Variants in PKHD1 observed in about 807,000 individuals in gnomAD.
PKHD1 encodes PKHD1 ciliary IPT domain containing fibrocystin/polyductin, also known as fibrocystin.
A neutral mutation model predicts 412.0 loss-of-function variants in PKHD1; 291 were observed. That is an observed-to-expected ratio of 0.71 (90% CI 0.64 to 0.78). The LOEUF (loss-of-function observed/expected upper bound fraction) is 0.78. PKHD1 is among the 30% of genes least tolerant of loss of function. PKHD1 has a pLI of 0.00. For synonymous variants in PKHD1, 1,777 were observed against 1,821.5 expected, an observed-to-expected ratio of 0.98 and a Z score of 0.62; for missense variants, 4,825 against 4,950.7, an observed-to-expected ratio of 0.97 and a Z score of 0.76.
chr6:51,989,901 G>GA (rs144773405), intron 35 of PKHD1, among the ~76,000 whole-genome samples: 70 of 2,734 alleles, frequency 0.026, 9 homozygotes, highest in East Asian at 0.049. Context: ...AGGAAGGAGG[G>GA]AGGAAGGAAG....
chr6:51,883,025 T>G (rs1777623432), intron 46 of PKHD1, 68 bp downstream of exon 46: 2 of 1,216,648 alleles, frequency 1.6e-6, no homozygotes, highest in African/African-American at 1.5e-5. Context: ...TCCTGGATCA[T>G]CAGGGGGCCC....
chr6:51,681,220 A>G (rs1298919493), intron 60 of PKHD1, among the ~76,000 whole-genome samples: 2 of 151,978 alleles, frequency 1.3e-5, no homozygotes, highest in East Asian at 3.9e-4. Context: ...CTCCCTTGCT[A>G]CTTCCAAATC....
At chr6:52,028,477 T>A in intron 29 of PKHD1, 126 bp from the exon 30 acceptor site, 1 of 878,976 alleles carries the variant, frequency 1.1e-6, no homozygotes, top group Non-Finnish European at 1.8e-6. Flanking sequence ...CTCTTAAGAG[T>A]TACGATACCA....
chr6:51,748,763 A>G (rs923809959), intron 57 of PKHD1, 98 bp from the exon 58 acceptor site: 1 of 969,008 alleles, frequency 1.0e-6, no homozygotes, highest in Admixed American at 1.7e-5. Flanking sequence ...ATTTTTAATG[A>G]AAATGTAAGT....
Position 52,025,511 on chromosome 6 carries a change from A to C in PKHD1, c.4299T>G (p.Ile1433Met). 6.2e-7 allele frequency: 1 copy of C among 1,613,800 alleles called. No individual in the cohort carries two copies. Among genetic ancestry groups the C allele is most frequent in the Non-Finnish European group, 8.5e-7 (1 of 1,179,732 alleles). ...VDLSGPFTCVILSLGDHTILC... is the reference protein window; with the variant it reads ...VDLSGPFTCVMLSLGDHTILC... ...GAATGGTGTGGTCTCCCAAACTCAAAATCACACAAGTAAAAGGACCCGAGA... is the reference window on the plus strand; with the variant it reads ...GAATGGTGTGGTCTCCCAAACTCAACATCACACAAGTAAAAGGACCCGAGA... The change falls in exon 32 of 67, where the codon ATT becomes ATG. Residue 1433 changes from isoleucine to methionine, a missense_variant. By Grantham distance (10) the Ile-to-Met change is conservative. Coordinates refer to ENST00000371117, the MANE Select transcript of PKHD1 (RefSeq NM_138694.4).
At chr6:51,693,090 G>A (rs976929068) in intron 60 of PKHD1, among the ~76,000 whole-genome samples, 2 of 151,918 alleles carry the variant, frequency 1.3e-5, no homozygotes, top group Admixed American at 1.3e-4. Flanking sequence ...TATTCTTCAG[G>A]GTTCAGTTAT....
At chr6:51,678,710 A>T (rs1164344767) in intron 60 of PKHD1, among the ~76,000 whole-genome samples, 1 of 152,096 alleles carries the variant, frequency 6.6e-6, no homozygotes, top group Admixed American at 6.6e-5. Context: ...AAAATCTAAG[A>T]TTATTTTCCT....
rs542361326 is a variant in PKHD1 at position 51,844,798 on chromosome 6, T to C, written c.8107+2977A>G. Among the ~76,000 whole-genome samples, 396 of 152,098 alleles carry C rather than the reference T, an allele frequency of 2.6e-3. 7 individuals carry two copies. Among genetic ancestry groups the C allele is most frequent in the Non-Finnish European group, 1.6e-3 (106 of 68,006 alleles). ...CAGTGAAGCAGCACTCTGAAGGAAA[T>C]GCCAGCCAAGAAAAGGAGCCACACC... On this transcript the variant is annotated intron_variant, in intron 50 of 66. Coordinates refer to ENST00000371117, the MANE Select transcript of PKHD1 (RefSeq NM_138694.4).
chr6:52,079,714 GCTGACATACAAA>G (rs1487562174), intron 5 of PKHD1, among the ~76,000 whole-genome samples, 174 bp downstream of exon 5: 1 of 152,112 alleles, frequency 6.6e-6, no homozygotes. Flanking sequence ...TTAGCTAAAG[GCTGACATACAAA>G]CGTTCAAAAT....
chr6:52,055,122 G>A (rs553962361), intron 19 of PKHD1, among the ~76,000 whole-genome samples: 1 of 152,126 alleles, frequency 6.6e-6, no homozygotes, highest in Admixed American at 6.5e-5. Context: ...CCTTCACTGG[G>A]TCCTAACTGT....
At chr6:51,890,426 T>C (rs1289058688) in intron 43 of PKHD1, among the ~76,000 whole-genome samples, 2 of 151,988 alleles carry the variant, frequency 1.3e-5, no homozygotes, top group African/African-American at 2.4e-5. Flanking sequence ...GGAGACAACA[T>C]ATTGAACAAC....
At chr6:51,900,036 G>T (rs1388018590) in intron 43 of PKHD1, among the ~76,000 whole-genome samples, 3 of 152,048 alleles carry the variant, frequency 2.0e-5, no homozygotes, top group Admixed American at 6.5e-5. Flanking sequence ...ACAAATGGAA[G>T]AACATTCCAT....
intron 55 of PKHD1, among the ~76,000 whole-genome samples, chr6:51,763,884 T>A (rs113344626): frequency 5.8e-4 from 88 of 152,084 alleles, no homozygotes; most frequent in African/African-American, 2.0e-3. Context: ...TTACCTCCTA[T>A]CCATACTACC....
intron 60 of PKHD1, among the ~76,000 whole-genome samples, chr6:51,737,406 C>T (rs1285902413): frequency 6.6e-6 from 1 of 152,068 alleles, no homozygotes; most frequent in African/African-American, 2.4e-5. Flanking sequence ...GAAAAATGAT[C>T]CATTTAAAAA....
chr6:51,812,323 A>G (rs151015264), intron 52 of PKHD1, among the ~76,000 whole-genome samples: 38 of 152,312 alleles, frequency 2.5e-4, no homozygotes, highest in African/African-American at 9.1e-4. Context: ...AAGTTAAGAA[A>G]CCAAAATAAA....
In PKHD1 at chr6:52,001,703, T is replaced by C. The variant is rs181343044; in HGVS notation, c.5751+8606A>G. On this transcript the variant is annotated intron_variant, in intron 35 of 66. Transcript: ENST00000371117. ...ACGTCGGCCTCCCAAAGTGCTGGGA[T>C]TACAGGTGTGAGCCACCACGCCCAG... Among the ~76,000 whole-genome samples the C allele has an allele frequency of 4.6e-3, 701 of 152,138 alleles. 6 individuals are homozygous for C. The highest frequency in any genetic ancestry group is 0.016 in the African/African-American group (660 of 41,478).
intron 60 of PKHD1, among the ~76,000 whole-genome samples, chr6:51,692,644 T>C (rs1778314035): frequency 2.0e-5 from 3 of 152,216 alleles, no homozygotes; most frequent in Admixed American, 1.3e-4. Context: ...ATTTCTTAGA[T>C]GTTCAAAATT....
chr6:52,055,394 A>T (rs1177026081), intron 19 of PKHD1, among the ~76,000 whole-genome samples, 193 bp downstream of exon 19: 1 of 152,240 alleles, frequency 6.6e-6, no homozygotes, highest in Non-Finnish European at 1.5e-5. Context: ...TCCAGGTAAC[A>T]ACACACAAGT....
At position 52,025,335 on chromosome 6, in the gene PKHD1, G is replaced by A. The variant is rs775363465; in HGVS notation, c.4475C>T (p.Ser1492Phe). Residue 1492 changes from serine (S) to phenylalanine (F), a missense_variant, in exon 32 of 67, where the codon TCC becomes TTC. Ser to Phe is a radical substitution (Grantham distance 155). Coordinates refer to ENST00000371117, the MANE Select transcript of PKHD1 (RefSeq NM_138694.4). Reference sequence around the variant, plus strand: ...GGTCAGAGACCCACTGGTGTTTGTGGACAAGGCATCCATGACAGGACTTGC... The same window carrying A: ...GGTCAGAGACCCACTGGTGTTTGTGAACAAGGCATCCATGACAGGACTTGC... ...EEASPVMDAL[S>F]TNTSGSLTTV... The A allele has an allele frequency of 6.2e-6, 10 of 1,614,054 alleles. No individual in the cohort carries two copies. In the South Asian group the frequency reaches 1.1e-4, roughly 18 times the overall value.
Sources: gnomAD v4.1 joint callset for allele counts (sites outside exome capture counted in the v4.1 genomes callset) on GRCh38, gnomAD v4.1.1 for gene constraint, MANE v1.5 for transcripts, NCBI Gene and HGNC (gene_info 2026-07-23, HGNC 2026-07-21) for gene names.